MICAL2: variants seen among roughly 807,000 people sequenced by gnomAD.
MICAL2 encodes [F-actin]-monooxygenase MICAL2.
Under a neutral mutation model 127.3 loss-of-function variants are expected in MICAL2, and 77 were observed. The observed-to-expected ratio is 0.60, with a 90% confidence interval of 0.50 to 0.73. The LOEUF is 0.73. Among genes scored for constraint, MICAL2 ranks in the 30% least tolerant of loss-of-function variants. The probability of loss-of-function intolerance (pLI) is 0.00; values close to 1 mark genes in which losing one functional copy is unlikely to be tolerated. For missense variants in MICAL2, 1,351 were observed against 1,434.4 expected (o/e 0.94, Z 0.94); for synonymous variants, 570 against 551.1 (o/e 1.03, Z -0.48).
chr11:12,327,864 T>C (rs1196183114), intron 32 of MICAL2, among the ~76,000 whole-genome samples: 1 of 150,768 alleles, frequency 6.6e-6, no homozygotes, highest in African/African-American at 2.5e-5. Context: ...TATATGGGTA[T>C]TGGAGCAGTG....
At chr11:12,315,657 C>G (rs1864223982) in intron 29 of MICAL2, among the ~76,000 whole-genome samples, 1 of 152,106 alleles carries the variant, frequency 6.6e-6, no homozygotes, top group African/African-American at 2.4e-5. Context: ...TGTTTTAAAG[C>G]CAAGGATATC....
downstream of MICAL2, among the ~76,000 whole-genome samples, chr11:12,288,626 C>G (rs1193643260): frequency 6.6e-6 from 1 of 152,232 alleles, no homozygotes; most frequent in Non-Finnish European, 1.5e-5. Flanking sequence ...TCATTTCAAT[C>G]AGCCTAGTGT....
chr11:12,200,457 C>T (rs1027497161), intron 3 of MICAL2, among the ~76,000 whole-genome samples: 3 of 152,184 alleles, frequency 2.0e-5, no homozygotes, highest in Non-Finnish European at 2.9e-5. Context: ...CTCCTCTGCC[C>T]GGGCACGTGG....
intron 3 of MICAL2, among the ~76,000 whole-genome samples, chr11:12,186,769 G>A (rs975213216): frequency 1.1e-4 from 16 of 152,316 alleles, no homozygotes; most frequent in Non-Finnish European, 1.5e-4. Context: ...CCATTCAAGG[G>A]TGCCCAGCAC....
rs564385797 is a variant in MICAL2, at chr11:12,310,167, G to C, written c.5213-9529G>C. ...TAATTGTTTCCTTTGCTGTACATAG[G>C]CTCTTTTGCTTGAATAATCTCAATA... On this transcript the variant is annotated intron_variant, in intron 29 of 34. Transcript: ENST00000646065. 4.6e-5 allele frequency among the ~76,000 whole-genome samples: 7 copies of C among 152,108 alleles called. No homozygotes were observed. In the South Asian group the frequency reaches 1.5e-3, roughly 32 times the overall value.
At chr11:12,210,501 G>T (rs988591442) in intron 6 of MICAL2, among the ~76,000 whole-genome samples, 3 of 152,138 alleles carry the variant, frequency 2.0e-5, no homozygotes, top group Admixed American at 2.0e-4. Flanking sequence ...GGGCCGCCTG[G>T]CTCAGGACCT....
intron 1 of MICAL2, among the ~76,000 whole-genome samples, chr11:12,132,633 C>G (rs1174778352): frequency 6.6e-6 from 1 of 152,218 alleles, no homozygotes; most frequent in African/African-American, 2.4e-5. Flanking sequence ...ATTATGAAGC[C>G]TGTGTCCTGT....
chr11:12,262,214 AG>A (rs1863220684), intron 26 of MICAL2: 1 of 1,354,396 alleles, frequency 7.4e-7, no homozygotes, highest in East Asian at 3.0e-5. Context: ...GAGACGCTAG[AG>A]TAAAATGGGG....
intron 1 of MICAL2, chr11:12,116,797 G>A (rs1485207634): frequency 6.6e-6 from 1 of 152,184 alleles, no homozygotes; most frequent in Non-Finnish European, 1.5e-5. Context: ...AGCCTTTTGT[G>A]ATGACCATGT....
In MICAL2 at chr11:12,209,564, C is replaced by G; in HGVS notation, c.657C>G (p.Ile219Met). ...HSLSEFEFDV[I>M]IGADGRRNTL... The stretch of plus-strand genomic sequence containing the variant: ...TGTCGGAGTTTGAGTTTGACGTCAT[C>G]ATTGGTGCCGATGGCCGCAGGAACA... Residue 219 changes from isoleucine to methionine, a missense_variant, in exon 6 of 28, where the codon ATC (isoleucine) becomes ATG (methionine). By Grantham distance (10) the Ile-to-Met change is conservative. Around this residue, in one of 2 missense-constraint regions of MICAL2, gnomAD observed 599 missense variants for 714.9 expected, o/e 0.84. Coordinates refer to ENST00000683283, the MANE Select transcript of MICAL2 (RefSeq NM_001282663.2). The G allele has an allele frequency of 6.2e-7, 1 of 1,614,164 alleles. No homozygotes were observed. The highest frequency in any genetic ancestry group is 8.5e-7 in the Non-Finnish European group (1 of 1,180,020).
At chr11:12,285,791 C>T (rs930631140) in intron 2 of MICAL2, among the ~76,000 whole-genome samples, 1 of 152,156 alleles carries the variant, frequency 6.6e-6, no homozygotes, top group South Asian at 2.1e-4. Context: ...TGTTTCTAGA[C>T]AGAAAGAAAG....
At chr11:12,168,369 C>A (rs1208119994) in intron 3 of MICAL2, among the ~76,000 whole-genome samples, 2 of 150,930 alleles carry the variant, frequency 1.3e-5, no homozygotes, top group Non-Finnish European at 3.0e-5. Context: ...TACACACATA[C>A]ACACACATAC....
chr11:12,285,062 C>G (rs534266774), intron 2 of MICAL2, among the ~76,000 whole-genome samples: 5 of 152,144 alleles, frequency 3.3e-5, no homozygotes, highest in Non-Finnish European at 7.4e-5. Context: ...ACTCGGGGAT[C>G]AGGATTTTTA....
intron 15 of MICAL2, among the ~76,000 whole-genome samples, chr11:12,228,945 A>G (rs1436465801): frequency 6.6e-6 from 1 of 152,062 alleles, no homozygotes; most frequent in Non-Finnish European, 1.5e-5. Context: ...GGGCAGTTGT[A>G]AGTACCTGCC....
intron 6 of MICAL2, among the ~76,000 whole-genome samples, chr11:12,209,970 A>T (rs538863272): frequency 6.6e-6 from 1 of 152,344 alleles, no homozygotes; most frequent in African/African-American, 2.4e-5. Context: ...TGTGTGAGCC[A>T]TGGTGCCGAG....
rs139289368 is a variant in MICAL2 at position 12,226,061 on chromosome 11, G to A, written c.1689-110G>A. On this transcript the variant is annotated intron_variant, in intron 13 of 27. Coordinates refer to ENST00000683283, the MANE Select transcript of MICAL2 (RefSeq NM_001282663.2). ...CACTATTCCTCCCCTGTAACCTGCCGACACCTGGCAGAGTGTCACCCTCAG... is the reference window on the plus strand; with the variant it reads ...CACTATTCCTCCCCTGTAACCTGCCAACACCTGGCAGAGTGTCACCCTCAG... 761 of 1,044,588 alleles carry A rather than the reference G, an allele frequency of 7.3e-4. 1 individual carries two copies. The African/African-American group carries it at 9.6e-3, about 13-fold the overall frequency. The allele number at this position is 1,044,588 out of a possible 1,614,324, so 64.7% of individuals were successfully genotyped here.
chr11:12,171,417 T>C (rs1856238892), intron 3 of MICAL2, among the ~76,000 whole-genome samples: 1 of 152,220 alleles, frequency 6.6e-6, no homozygotes, highest in South Asian at 2.1e-4. Context: ...CCTTGCTCAC[T>C]GGAGACTCTT....
chr11:12,308,645 G>T (rs1167807683), intron 29 of MICAL2, among the ~76,000 whole-genome samples: 1 of 152,122 alleles, frequency 6.6e-6, no homozygotes, highest in Non-Finnish European at 1.5e-5. Flanking sequence ...CTTTTAAATA[G>T]AATTTTAGCA....
intron 29 of MICAL2, among the ~76,000 whole-genome samples, chr11:12,306,980 TG>T (rs1864118780): frequency 6.6e-6 from 1 of 152,240 alleles, no homozygotes; most frequent in African/African-American, 2.4e-5. Context: ...TTCCTAGCTA[TG>T]GGGTTGTTTG....
Sources: allele counts gnomAD v4.1 joint callset (sites outside exome capture counted in the v4.1 genomes callset), GRCh38; gene constraint gnomAD v4.1.1; regional missense constraint gnomAD v4.1.1; transcripts MANE v1.5; gene names NCBI Gene and HGNC (gene_info 2026-07-23, HGNC 2026-07-21).